The following AUTS2 variants were observed in gnomAD, a reference collection of about 807,000 sequenced individuals.
AUTS2 encodes the protein autism susceptibility gene 2 protein.
A neutral mutation model predicts 112.4 loss-of-function variants in AUTS2; 17 were observed. That is an observed-to-expected ratio of 0.15 (90% CI 0.10 to 0.23). The LOEUF (loss-of-function observed/expected upper bound fraction) is 0.23, where lower values mean the gene tolerates loss of function less well. Ranked by LOEUF, AUTS2 falls within the 10% of genes least tolerant of loss-of-function variation. The probability of loss-of-function intolerance (pLI) is 1.00; values close to 1 mark genes in which losing one functional copy is unlikely to be tolerated. For missense variants in AUTS2, 1,510 were observed against 1,701.6 expected (o/e 0.89, Z 1.98); for synonymous variants, 751 against 702.7 (o/e 1.07, Z -1.09).
intron 1 of AUTS2, among the ~76,000 whole-genome samples, chr7:69,654,382 C>T (rs942071255): frequency 6.6e-6 from 1 of 152,204 alleles, no homozygotes; most frequent in Non-Finnish European, 1.5e-5. Context: ...ATATCCTGCC[C>T]CAGACCTTCA....
intron 5 of AUTS2, among the ~76,000 whole-genome samples, chr7:70,667,846 A>G (rs1807423839): frequency 6.6e-6 from 1 of 152,196 alleles, no homozygotes; most frequent in African/African-American, 2.4e-5. Context: ...GTTAATCCTA[A>G]ATGTGCCACC....
At chr7:69,937,479 T>C (rs190058791) in intron 2 of AUTS2, among the ~76,000 whole-genome samples, 85 of 152,150 alleles carry the variant, frequency 5.6e-4, no homozygotes, top group Non-Finnish European at 1.0e-4. Context: ...GAAAAGAGAG[T>C]ACATATTGAA....
chr7:70,453,063 C>T (rs1277123585), intron 5 of AUTS2, among the ~76,000 whole-genome samples: 2 of 152,152 alleles, frequency 1.3e-5, no homozygotes, highest in African/African-American at 2.4e-5. Context: ...CTCTTCTTTA[C>T]ACTGTTTGCT....
At chr7:69,775,282 A>G (rs1313679362) in intron 1 of AUTS2, among the ~76,000 whole-genome samples, 1 of 152,158 alleles carries the variant, frequency 6.6e-6, no homozygotes, top group Non-Finnish European at 1.5e-5. Flanking sequence ...CTGGGCAGTC[A>G]TGGTTTTCAT....
rs374260811 is a variant in AUTS2 at position 70,364,506 on chromosome 7, C to T, written c.661-71246C>T. Reference sequence around the variant, plus strand: ...GCTTGAACCTGGGAGGCAGAGGTTGCGGTGAGCCAGGATCACGCCACTGCA... The same window carrying T: ...GCTTGAACCTGGGAGGCAGAGGTTGTGGTGAGCCAGGATCACGCCACTGCA... On this transcript the variant is annotated intron_variant, in intron 4 of 18. Coordinates refer to ENST00000342771, the MANE Select transcript of AUTS2 (RefSeq NM_015570.4). Among the ~76,000 whole-genome samples, 53 of 151,248 alleles carry T rather than the reference C, an allele frequency of 3.5e-4. 1 individual carries two copies. In the East Asian group the frequency reaches 8.2e-3, roughly 23 times the overall value.
chr7:70,694,964 G>A lies in AUTS2; in HGVS notation c.691-3605G>A, dbSNP rs933869432. On this transcript the variant is annotated intron_variant, in intron 5 of 18. Transcript: ENST00000342771. This position sits in a 1 kb window ranked among gnomAD's most constrained non-coding sequence, Gnocchi z 4.1. ...TTTGGTGGTTTCCCCCCTGGTCTTT[G>A]ACGATCGCCCTTCGGGAGCCCTGCT... 6.6e-6 allele frequency: 1 copy of A among 152,446 alleles called. No homozygotes were observed. Among genetic ancestry groups the A allele is most frequent in the African/African-American group, 2.4e-5 (1 of 41,462 alleles). 9.4% of individuals were successfully genotyped at this position (152,446 alleles called of 1,614,324 possible). A position where few individuals can be genotyped will look rare whatever the true frequency, so the allele number is the denominator to read the frequency against.
At chr7:69,760,623 C>T (rs1234619392) in intron 1 of AUTS2, among the ~76,000 whole-genome samples, 1 of 152,090 alleles carries the variant, frequency 6.6e-6, no homozygotes, top group Admixed American at 6.5e-5. Context: ...GAGTTTGAGA[C>T]CAGCCTGACC....
intron 1 of AUTS2, among the ~76,000 whole-genome samples, chr7:69,785,974 G>C (rs900154313): frequency 6.6e-6 from 1 of 152,118 alleles, no homozygotes; most frequent in Non-Finnish European, 1.5e-5. Context: ...GGGATTACAG[G>C]TGCCCGCCAC....
In AUTS2 at chr7:70,140,388, C is replaced by T. The variant is rs146025106; in HGVS notation, c.660+5817C>T. ...ACAGGTATTTGGTTATCCTGAGGTA[C>T]AGTTAACACACTGTATTTGAATAAG... On this transcript the variant is annotated intron_variant, in intron 4 of 18. Coordinates refer to ENST00000342771, the MANE Select transcript of AUTS2 (RefSeq NM_015570.4). Among the ~76,000 whole-genome samples, 3 of 152,282 alleles carry T rather than the reference C, an allele frequency of 2.0e-5. No homozygotes were observed. In the East Asian group the frequency reaches 5.8e-4, roughly 29 times the overall value.
chr7:69,603,299 C>G (rs935033110), intron 1 of AUTS2, among the ~76,000 whole-genome samples: 1 of 152,138 alleles, frequency 6.6e-6, no homozygotes, highest in African/African-American at 2.4e-5. Context: ...TGATTTTGTT[C>G]TGAGTAGCTG....
intron 5 of AUTS2, among the ~76,000 whole-genome samples, chr7:70,695,557 C>T (rs1018220307): frequency 6.6e-6 from 1 of 152,348 alleles, no homozygotes; most frequent in African/African-American, 2.4e-5. Flanking sequence ...CGAAAGCCCC[C>T]CTTCTCGCCT....
At chr7:69,695,823 A>T (rs995867966) in intron 1 of AUTS2, among the ~76,000 whole-genome samples, 1 of 152,204 alleles carries the variant, frequency 6.6e-6, no homozygotes, top group Non-Finnish European at 1.5e-5. Flanking sequence ...GAAACTGGGT[A>T]TGGAAACTAG....
rs766349738 is a variant in AUTS2 at position 70,766,220 on chromosome 7, T to TCAGCACCAGCAC, written c.1588_1599dup (p.Gln530_His533dup). 3 of 1,614,048 alleles carry TCAGCACCAGCAC rather than the reference T, an allele frequency of 1.9e-6. No individual in the cohort carries two copies. Among genetic ancestry groups the TCAGCACCAGCAC allele is most frequent in the Non-Finnish European group, 2.5e-6 (3 of 1,180,012 alleles). ...CGCCCTACCTGCGGACCGAGTTCCA[T>TCAGCACCAGCAC]CAGCACCAGCACCAGCACCAGCACA... On this transcript the variant is annotated inframe_insertion, in exon 9 of 19. Coordinates refer to ENST00000342771, the MANE Select transcript of AUTS2 (RefSeq NM_015570.4). The surrounding 1 kb of genome is among the most constrained non-coding windows in gnomAD (Gnocchi z 4.8).
chr7:70,780,967 T>A (rs941525307), intron 14 of AUTS2, among the ~76,000 whole-genome samples: 13 of 152,194 alleles, frequency 8.5e-5, no homozygotes, highest in Non-Finnish European at 1.6e-4. Flanking sequence ...TTTTAAACCT[T>A]ACTAAAATGG....
intron 1 of AUTS2, among the ~76,000 whole-genome samples, chr7:69,871,249 T>C (rs187400929): frequency 5.8e-4 from 89 of 152,304 alleles, no homozygotes; most frequent in African/African-American, 2.0e-3. Flanking sequence ...TCATGTTTGT[T>C]TTAGAACACT....
rs1808953962 is a variant in AUTS2, at chr7:70,694,502, T to G, written c.691-4067T>G. 1 of 147,910 alleles carries G rather than the reference T, an allele frequency of 6.8e-6. No individual in the cohort carries two copies. Among genetic ancestry groups the G allele is most frequent in the South Asian group, 2.1e-4 (1 of 4,786 alleles). The allele number at this position is 147,910 out of a possible 1,614,324, so 9.2% of individuals were successfully genotyped here. A position where few individuals can be genotyped will look rare whatever the true frequency, so the allele number is the denominator to read the frequency against. The stretch of plus-strand genomic sequence containing the variant: ...GAGAAGCCGCCGCGCGCCCTCCTCC[T>G]CCTCCTCCCTCTCCCTCCTCCCTCC... On this transcript the variant is annotated intron_variant, in intron 5 of 18. Coordinates refer to ENST00000342771, the MANE Select transcript of AUTS2 (RefSeq NM_015570.4). The surrounding 1 kb of genome is among the most constrained non-coding windows in gnomAD (Gnocchi z 4.1).
Position 70,768,041 on chromosome 7 carries a change from A to G in AUTS2, c.1707A>G (p.Thr569=), listed in dbSNP as rs1585656138. Residue 569 remains threonine (T), a synonymous_variant, in exon 10 of 19, where the codon ACA becomes ACG. Transcript: ENST00000342771. ...CTTTACAGTTTGACAAATACCCTAC[A>G]AAAGTTGACCCATTCTACCGGCACA... is the stretch of plus-strand genomic sequence containing the variant. ...PAPPMFDKYP[T]KVDPFYRHSL... is the part of the protein sequence containing the mutation. 1.2e-6 allele frequency: 2 copies of G among 1,608,750 alleles called. No homozygotes were observed. Among genetic ancestry groups the G allele is most frequent in the Non-Finnish European group, 1.7e-6 (2 of 1,178,434 alleles).
chr7:70,044,153 C>T (rs1801396201), intron 2 of AUTS2, among the ~76,000 whole-genome samples: 1 of 152,216 alleles, frequency 6.6e-6, no homozygotes, highest in Admixed American at 6.5e-5. Context: ...ACAGCCCCTC[C>T]TCCTGCCGCT....
chr7:69,723,136 T>G (rs1012207449), intron 1 of AUTS2, among the ~76,000 whole-genome samples: 3 of 152,126 alleles, frequency 2.0e-5, no homozygotes, highest in African/African-American at 7.2e-5. Context: ...TTATCCCCGT[T>G]CTTACTGCCT....
Sources: allele counts gnomAD v4.1 joint callset (sites outside exome capture counted in the v4.1 genomes callset), GRCh38; gene constraint gnomAD v4.1.1; non-coding constraint Gnocchi (gnomAD v3.1); transcripts MANE v1.5; gene names NCBI Gene and HGNC (gene_info 2026-07-23, HGNC 2026-07-21).